PRKG1: variants seen among roughly 807,000 people sequenced by gnomAD.
PRKG1 encodes the protein protein kinase cGMP-dependent 1, also known as cGMP-dependent protein kinase 1.
In PRKG1, 35 loss-of-function variants were observed where a neutral mutation model predicts 88.1. That is an observed-to-expected ratio of 0.40 (90% CI 0.30 to 0.53). The LOEUF (loss-of-function observed/expected upper bound fraction) is 0.53. Ranked by LOEUF, PRKG1 falls within the 20% of genes least tolerant of loss-of-function variation. The probability of loss-of-function intolerance (pLI) is 0.59; values close to 1 mark genes in which losing one functional copy is unlikely to be tolerated. For missense variants in PRKG1, 540 were observed against 839.8 expected (o/e 0.64, Z 4.41); for synonymous variants, 303 against 292.5 (o/e 1.04, Z -0.37).
chr10:52,149,896 C>A (rs915962168), intron 8 of PRKG1, among the ~76,000 whole-genome samples: 27 of 151,928 alleles, frequency 1.8e-4, no homozygotes, highest in African/African-American at 6.5e-4. Context: ...CCACTTATCC[C>A]AGCACTTTGG....
At chr10:51,506,076 C>T (rs548897004) in intron 3 of PRKG1, among the ~76,000 whole-genome samples, 33 of 152,056 alleles carry the variant, frequency 2.2e-4, no homozygotes, top group South Asian at 6.2e-4. Context: ...AGTTAATAAA[C>T]GGTGCTGGGA....
intron 9 of PRKG1, among the ~76,000 whole-genome samples, chr10:52,166,817 A>G (rs1373226616): frequency 0.028 from 93 of 3,360 alleles, 1 homozygote; most frequent in Admixed American, 0.057. Flanking sequence ...ATGTATATAT[A>G]TGTATATATA....
intron 5 of PRKG1, among the ~76,000 whole-genome samples, chr10:52,024,939 CCCA>C (rs1463900522): frequency 6.6e-6 from 1 of 152,164 alleles, no homozygotes; most frequent in Non-Finnish European, 1.5e-5. Flanking sequence ...AGTTTACAAT[CCCA>C]CCAACAGTGT....
intron 6 of PRKG1, among the ~76,000 whole-genome samples, chr10:52,055,528 A>C (rs1309902263): frequency 2.0e-5 from 3 of 152,198 alleles, no homozygotes; most frequent in Non-Finnish European, 4.4e-5. Context: ...GAATTGGAAA[A>C]TAGAATTTCT....
intron 8 of PRKG1, among the ~76,000 whole-genome samples, chr10:52,147,610 G>T (rs747012226): frequency 6.6e-6 from 1 of 152,188 alleles, no homozygotes; most frequent in Non-Finnish European, 1.5e-5. Context: ...GCGTGGTTGT[G>T]TTTGGGGAAA....
rs926992056 is a variant in PRKG1 at position 52,074,609 on chromosome 10, G to A, written c.935+11978G>A. ...ATTTTCTTGCTAATGAACTCAGCCGGTGTTTTGTGTCTCTGTCATTCTCAT... is the reference window on the plus strand; with the variant it reads ...ATTTTCTTGCTAATGAACTCAGCCGATGTTTTGTGTCTCTGTCATTCTCAT... On this transcript the variant is annotated intron_variant, in intron 7 of 17. Transcript: ENST00000373980. Among the ~76,000 whole-genome samples, 3 of 152,106 alleles carry A rather than the reference G, an allele frequency of 2.0e-5. No individual in the cohort carries two copies. In the East Asian group the frequency reaches 5.8e-4, roughly 29 times the overall value.
chr10:52,226,683 A>G (rs1339783362), intron 9 of PRKG1, among the ~76,000 whole-genome samples: 1 of 152,152 alleles, frequency 6.6e-6, no homozygotes, highest in Non-Finnish European at 1.5e-5. Context: ...CAAGATGCAC[A>G]GTGAATGCCA....
intron 4 of PRKG1, among the ~76,000 whole-genome samples, chr10:51,865,244 G>A (rs1840984246): frequency 1.3e-5 from 2 of 152,094 alleles, no homozygotes; most frequent in South Asian, 2.1e-4. Flanking sequence ...GATGAAATTA[G>A]TTCAATTACA....
At chr10:51,036,924 T>A (rs1843360367) in intron 1 of PRKG1, among the ~76,000 whole-genome samples, 1 of 152,180 alleles carries the variant, frequency 6.6e-6, no homozygotes, top group South Asian at 2.1e-4. Context: ...CTTCCTCAGG[T>A]CTGAATATCA....
intron 3 of PRKG1, among the ~76,000 whole-genome samples, chr10:51,596,917 ATC>A (rs909593700): frequency 6.6e-6 from 1 of 152,134 alleles, no homozygotes; most frequent in African/African-American, 2.4e-5. Flanking sequence ...CTAGCAAGTA[ATC>A]TCTCTGTTTG....
At chr10:51,040,436 A>T (rs1400626110) in intron 1 of PRKG1, among the ~76,000 whole-genome samples, 1 of 144,348 alleles carries the variant, frequency 6.9e-6, no homozygotes, top group African/African-American at 2.6e-5. Context: ...ATTCTGCCTC[A>T]GCCTCCCGAG....
intron 2 of PRKG1, chr10:51,320,397 C>A: frequency 6.3e-6 from 1 of 158,606 alleles, no homozygotes; most frequent in African/African-American, 2.4e-5. Context: ...TTCAGGGCAA[C>A]TGCCTGACCC....
chr10:52,283,067 T>C (rs1259501077), intron 14 of PRKG1, among the ~76,000 whole-genome samples: 2 of 152,034 alleles, frequency 1.3e-5, no homozygotes, highest in Admixed American at 1.3e-4. Flanking sequence ...AGAAGGTTCA[T>C]GTAAAAAAAA....
chr10:51,700,291 C>A (rs1370105040), intron 3 of PRKG1, among the ~76,000 whole-genome samples: 2 of 152,180 alleles, frequency 1.3e-5, no homozygotes, highest in African/African-American at 4.8e-5. Context: ...AGCACACGGG[C>A]AGCCGTCGTG....
At chr10:51,921,954 C>T (rs74135049) in intron 5 of PRKG1, among the ~76,000 whole-genome samples, 2,119 of 151,976 alleles carry the variant, frequency 0.014, 58 homozygotes, top group African/African-American at 0.049. Context: ...ATTCTCTCTC[C>T]TATTTGGTGA....
chr10:51,721,212 T>TAAAAAAAA (rs55873432), intron 3 of PRKG1, among the ~76,000 whole-genome samples: 1 of 122,076 alleles, frequency 8.2e-6, no homozygotes, highest in African/African-American at 3.1e-5. Context: ...CAAGACCTAT[T>TAAAAAAAA]AAAAAAAAAA....
intron 2 of PRKG1, among the ~76,000 whole-genome samples, chr10:51,324,571 C>CAAAA (rs34429733): frequency 2.4e-5 from 2 of 84,446 alleles, no homozygotes; most frequent in African/African-American, 3.7e-5. Flanking sequence ...ACTAAAAATA[C>CAAAA]AAAAAAAAAA....
intron 3 of PRKG1, among the ~76,000 whole-genome samples, chr10:51,636,933 G>A (rs890057692): frequency 1.3e-5 from 2 of 152,156 alleles, no homozygotes; most frequent in African/African-American, 4.8e-5. Flanking sequence ...GAGAGAATAA[G>A]GCACCCATTA....
At chr10:51,200,689 T>C (rs2132055257) in intron 2 of PRKG1, among the ~76,000 whole-genome samples, 2 of 152,344 alleles carry the variant, frequency 1.3e-5, no homozygotes, top group Middle Eastern at 6.8e-3. Context: ...CTTGGAGTTT[T>C]CATAGCATGT....
Sources: gnomAD v4.1 joint callset for allele counts (sites outside exome capture counted in the v4.1 genomes callset) on GRCh38, gnomAD v4.1.1 for gene constraint, MANE v1.5 for transcripts, NCBI Gene and HGNC (gene_info 2026-07-23, HGNC 2026-07-21) for gene names.